Variants in MRC1 observed in about 807,000 individuals in gnomAD.
MRC1 encodes macrophage mannose receptor 1.
MRC1 carries 62 observed loss-of-function variants against 102.9 expected under a neutral mutation model. The ratio of observed to expected loss-of-function variants is 0.60; its 90% CI spans 0.49 to 0.74. The LOEUF is 0.74. MRC1 is among the 30% of genes least tolerant of loss of function. The pLI is 0.00. For missense variants in MRC1, 1,237 were observed against 862.8 expected, an observed-to-expected ratio of 1.43 and a Z score of -5.43; for synonymous variants, 457 against 298.4, an observed-to-expected ratio of 1.53 and a Z score of -5.48.
intron 21 of MRC1, among the ~76,000 whole-genome samples, chr10:17,883,259 C>G (rs1833543500): frequency 6.6e-6 from 1 of 152,134 alleles, no homozygotes; most frequent in Non-Finnish European, 1.5e-5. Context: ...TCCCAAGTAG[C>G]TGGGACTACA....
intron 12 of MRC1, among the ~76,000 whole-genome samples, chr10:17,868,999 A>T (rs1230035089): frequency 6.6e-6 from 1 of 152,120 alleles, no homozygotes; most frequent in African/African-American, 2.4e-5. Flanking sequence ...TCGCCTGAGG[A>T]TGTTAGGCGA....
intron 5 of MRC1, among the ~76,000 whole-genome samples, chr10:17,844,220 T>A (rs1838791855): frequency 6.6e-6 from 1 of 151,866 alleles, no homozygotes; most frequent in African/African-American, 2.4e-5. Context: ...CCTCCATTTA[T>A]TTTTATTTTT....
At chr10:17,828,494 G>A (rs1838518968) in intron 3 of MRC1, among the ~76,000 whole-genome samples, 1 of 151,390 alleles carries the variant, frequency 6.6e-6, no homozygotes, top group African/African-American at 2.5e-5. Flanking sequence ...TCTCTGAAAT[G>A]CCTTACCTTT....
intron 1 of MRC1, among the ~76,000 whole-genome samples, chr10:17,815,250 C>G (rs916442340): frequency 1.7e-4 from 26 of 152,206 alleles, no homozygotes; most frequent in East Asian, 1.9e-4. Flanking sequence ...ACACAGTCAG[C>G]GAGCAGCGGA....
At chr10:17,848,641 G>C (rs1838865628) in intron 6 of MRC1, among the ~76,000 whole-genome samples, 1 of 152,116 alleles carries the variant, frequency 6.6e-6, no homozygotes, top group Non-Finnish European at 1.5e-5. Context: ...GGGGTGGGTG[G>C]TTTGATATTA....
chr10:17,843,983 T>G (rs1838788045), intron 5 of MRC1, among the ~76,000 whole-genome samples: 2 of 152,188 alleles, frequency 1.3e-5, no homozygotes, highest in South Asian at 4.1e-4. Context: ...TACTGGTTTT[T>G]AAATCATATA....
chr10:17,889,955 A>G (rs1833650773), intron 22 of MRC1, among the ~76,000 whole-genome samples: 2 of 152,124 alleles, frequency 1.3e-5, no homozygotes, highest in South Asian at 2.1e-4. Flanking sequence ...AGTTTCTGAC[A>G]TATATAATTT....
intron 12 of MRC1, among the ~76,000 whole-genome samples, chr10:17,868,698 G>A (rs1833313586): frequency 6.6e-6 from 1 of 152,204 alleles, no homozygotes. Context: ...GACTGGTGAG[G>A]AATTTGCATC....
chr10:17,905,067 G>A (rs1455385839), intron 26 of MRC1, among the ~76,000 whole-genome samples: 3 of 152,182 alleles, frequency 2.0e-5, no homozygotes, highest in African/African-American at 2.4e-5. Flanking sequence ...CAAGCTTTGC[G>A]AGTGGGGTTT....
rs887724838 is a variant in MRC1 at position 17,898,932 on chromosome 10, C to T, written c.3483+666C>T. ...AGCTTCCTAGTAGAAGTAGATATGA[C>T]AGTCAGCAATTAAGATATAAGAAGT... is the stretch of plus-strand genomic sequence containing the variant. On this transcript the variant is annotated intron_variant, in intron 24 of 29. Coordinates refer to ENST00000569591, the MANE Select transcript of MRC1 (RefSeq NM_002438.4). Among the ~76,000 whole-genome samples, 79 of 152,172 alleles carry T rather than the reference C, an allele frequency of 5.2e-4. 1 individual carries two copies. Among genetic ancestry groups the T allele is most frequent in the Non-Finnish European group, 4.4e-5 (3 of 68,010 alleles).
At chr10:17,864,755 G>T in intron 11 of MRC1, among the ~76,000 whole-genome samples, 1 of 150,268 alleles carries the variant, frequency 6.7e-6, no homozygotes, top group Non-Finnish European at 1.5e-5. Flanking sequence ...CTTGAACCTG[G>T]AAGGCAGAGG....
Position 17,907,621 on chromosome 10 carries a change from C to A in MRC1, c.4001C>A (p.Ala1334Asp). The change falls in exon 28 of 30, where the codon GCT (alanine) becomes GAT (aspartate). Residue 1334 changes from alanine (A) to aspartate (D), a missense_variant. Transcript: ENST00000569591. ...TCTGGTGAACGGAATGATTGTGTAG[C>A]TTTACATGCGTCTTCTGGGTTTTGG... ...DPSGERNDCV[A>D]LHASSGFWSN... The A allele has an allele frequency of 1.3e-6, 1 of 780,884 alleles. No individual in the cohort carries two copies. The highest frequency in any genetic ancestry group is 2.4e-5 in the East Asian group (1 of 41,256). 48.4% of individuals were successfully genotyped at this position (780,884 alleles called of 1,614,324 possible).
chr10:17,865,967 C>A (rs2130667943), intron 11 of MRC1, among the ~76,000 whole-genome samples: 1 of 152,230 alleles, frequency 6.6e-6, no homozygotes, highest in Non-Finnish European at 1.5e-5. Context: ...TGGAAATAAC[C>A]TTGACTGTAA....
At chr10:17,866,430 C>A (rs1433962763) in intron 11 of MRC1, 132 bp from the exon 12 acceptor site, 3 of 754,082 alleles carry the variant, frequency 4.0e-6, no homozygotes, top group Non-Finnish European at 7.4e-6. Context: ...TAAAGTGTTA[C>A]AAACCCCCCT....
At chr10:17,863,936 C>T (rs2130664646) in intron 11 of MRC1, among the ~76,000 whole-genome samples, 1 of 151,554 alleles carries the variant, frequency 6.6e-6, no homozygotes, top group Non-Finnish European at 1.5e-5. Flanking sequence ...GTTATCTGGT[C>T]CTGGTCTACT....
At chr10:17,856,080 G>C (rs1376321525) in intron 8 of MRC1, among the ~76,000 whole-genome samples, 162 bp from the exon 9 acceptor site, 3 of 147,472 alleles carry the variant, frequency 2.0e-5, no homozygotes, top group Non-Finnish European at 3.0e-5. Context: ...TGAGGCAGGA[G>C]AATCACTTGA....
chr10:17,851,185 T>C (rs1198000591), intron 7 of MRC1, among the ~76,000 whole-genome samples: 2 of 152,326 alleles, frequency 1.3e-5, no homozygotes, highest in East Asian at 3.9e-4. Flanking sequence ...AAAAACCTGA[T>C]ATTTTTATTG....
chr10:17,848,848 A>G (rs561612), intron 6 of MRC1, among the ~76,000 whole-genome samples: 124,419 of 152,068 alleles, frequency 0.82, 51,101 homozygotes, highest in East Asian at 1. Flanking sequence ...TGAGGCAACA[A>G]GTGGCTGACT....
intron 22 of MRC1, among the ~76,000 whole-genome samples, chr10:17,888,965 G>A (rs1833637776): frequency 6.6e-6 from 1 of 152,228 alleles, no homozygotes; most frequent in East Asian, 1.9e-4. Context: ...CACATACACA[G>A]TAGAGACTGT....
Sources: allele counts gnomAD v4.1 joint callset (sites outside exome capture counted in the v4.1 genomes callset), GRCh38; gene constraint gnomAD v4.1.1; transcripts MANE v1.5; gene names NCBI Gene and HGNC (gene_info 2026-07-23, HGNC 2026-07-21).